The following PPP2R2B variants were observed in gnomAD, a reference collection of about 807,000 sequenced individuals.
The protein encoded by PPP2R2B is protein phosphatase 2 regulatory subunit Bbeta, also known as serine/threonine-protein phosphatase 2A 55 kDa regulatory subunit B beta isoform.
Under a neutral mutation model 46.0 loss-of-function variants are expected in PPP2R2B, and 5 were observed. The observed-to-expected ratio is 0.11, with a 90% CI of 0.06 to 0.23. The LOEUF is 0.23. Among genes scored for constraint, PPP2R2B ranks in the 10% least tolerant of loss-of-function variants. The pLI is 1.00. For missense variants in PPP2R2B, 367 were observed against 575.0 expected (o/e 0.64, Z 3.70); for synonymous variants, 215 against 206.7 (o/e 1.04, Z -0.34).
intron 2 of PPP2R2B, among the ~76,000 whole-genome samples, chr5:147,071,262 C>T (rs1342718910): frequency 3.9e-5 from 6 of 152,140 alleles, no homozygotes. Context: ...AATTTATCAG[C>T]TCTGGGGGCT....
chr5:147,041,322 G>A (rs1437448922), intron 1 of PPP2R2B, among the ~76,000 whole-genome samples: 1 of 152,168 alleles, frequency 6.6e-6, no homozygotes, highest in Non-Finnish European at 1.5e-5. Context: ...CTGTTCACAG[G>A]CAAGGGAGAA....
chr5:147,078,233 T>C (rs938805137), intron 2 of PPP2R2B, among the ~76,000 whole-genome samples: 5 of 152,226 alleles, frequency 3.3e-5, no homozygotes, highest in Non-Finnish European at 7.3e-5. Context: ...TATCGAGTAC[T>C]TACAAAGTAT....
intron 6 of PPP2R2B, among the ~76,000 whole-genome samples, chr5:146,649,144 T>C (rs1353302386): frequency 6.6e-6 from 1 of 152,148 alleles, no homozygotes; most frequent in Non-Finnish European, 1.5e-5. Context: ...TAGGGATATA[T>C]GCGTTGATTT....
intron 1 of PPP2R2B, among the ~76,000 whole-genome samples, chr5:146,899,494 G>C (rs1339494412): frequency 6.7e-6 from 1 of 149,836 alleles, no homozygotes; most frequent in Non-Finnish European, 1.5e-5. Context: ...GGAGGGGTGA[G>C]GGATAGCTTT....
chr5:146,697,224 C>G (rs1779226100), intron 4 of PPP2R2B, among the ~76,000 whole-genome samples: 1 of 152,136 alleles, frequency 6.6e-6, no homozygotes, highest in African/African-American at 2.4e-5. Context: ...AATTGTTATG[C>G]TATTCAATTA....
At chr5:147,033,978 G>A (rs1232277339) in intron 1 of PPP2R2B, among the ~76,000 whole-genome samples, 1 of 151,994 alleles carries the variant, frequency 6.6e-6, no homozygotes, top group Non-Finnish European at 1.5e-5. Context: ...AACTGCAAAG[G>A]TTTCCTATTA....
intron 2 of PPP2R2B, among the ~76,000 whole-genome samples, chr5:146,731,827 G>T (rs1327281059): frequency 6.6e-6 from 1 of 152,136 alleles, no homozygotes; most frequent in African/African-American, 2.4e-5. Context: ...TGGACAGAGT[G>T]GGTATGTCCA....
intron 1 of PPP2R2B, among the ~76,000 whole-genome samples, chr5:146,958,793 T>C (rs1037503076): frequency 2.0e-5 from 3 of 152,240 alleles, no homozygotes; most frequent in African/African-American, 7.2e-5. Context: ...ATCATTACTA[T>C]CTTCCGAGTG....
At chr5:147,078,154 A>G (rs983261198) in intron 2 of PPP2R2B, among the ~76,000 whole-genome samples, 2 of 152,230 alleles carry the variant, frequency 1.3e-5, no homozygotes, top group Non-Finnish European at 2.9e-5. Flanking sequence ...CTTACCTGTC[A>G]TAAGGTTTTG....
chr5:146,843,148 T>C (rs1366286772), intron 2 of PPP2R2B, among the ~76,000 whole-genome samples: 1 of 152,206 alleles, frequency 6.6e-6, no homozygotes, highest in East Asian at 1.9e-4. Flanking sequence ...GATCGTGCCA[T>C]TGCACTCCAG....
At position 146,589,842 on chromosome 5, in the gene PPP2R2B, T is replaced by C. The variant is rs1456437041; in HGVS notation, c.*105A>G. 1 of 1,125,546 alleles carries C rather than the reference T, an allele frequency of 8.9e-7. No individual in the cohort carries two copies. The highest frequency in any genetic ancestry group is 1.3e-6 in the Non-Finnish European group (1 of 778,338). The allele number at this position is 1,125,546 out of a possible 1,614,324, so 69.7% of individuals were successfully genotyped here. A position where few individuals can be genotyped will look rare whatever the true frequency, so the allele number is the denominator to read the frequency against. On this transcript the variant is annotated 3_prime_UTR_variant, in exon 10 of 10. Coordinates refer to ENST00000394411, the MANE Select transcript of PPP2R2B (RefSeq NM_181675.4). ...AATTCTATTCCAATCATTTCCTGTA[T>C]AGGGAAATTAAAGTCAATGCATCAA...
chr5:146,849,646 C>A (rs991573714), intron 2 of PPP2R2B, among the ~76,000 whole-genome samples: 2 of 152,064 alleles, frequency 1.3e-5, no homozygotes, highest in African/African-American at 2.4e-5. Flanking sequence ...GGTGCACTAA[C>A]AAAGGTCTGA....
intron 5 of PPP2R2B, among the ~76,000 whole-genome samples, chr5:146,680,749 C>T (rs1778114880): frequency 6.6e-6 from 1 of 152,158 alleles, no homozygotes. Flanking sequence ...AAAATAAACT[C>T]ATCTGATCAC....
intron 6 of PPP2R2B, among the ~76,000 whole-genome samples, chr5:146,641,772 G>A (rs1775239932): frequency 6.6e-6 from 1 of 152,152 alleles, no homozygotes; most frequent in African/African-American, 2.4e-5. Flanking sequence ...CATGTTGGGA[G>A]GGAAGGAGAA....
intron 1 of PPP2R2B, among the ~76,000 whole-genome samples, chr5:147,007,816 C>A (rs892704807): frequency 6.6e-6 from 1 of 152,130 alleles, no homozygotes; most frequent in South Asian, 2.1e-4. Flanking sequence ...GACCATGAAC[C>A]CACAACTGGA....
At chr5:146,950,332 C>T (rs375901411) in intron 1 of PPP2R2B, among the ~76,000 whole-genome samples, 1 of 151,920 alleles carries the variant, frequency 6.6e-6, no homozygotes, top group Non-Finnish European at 1.5e-5. Flanking sequence ...GTACTGTTAG[C>T]TTTTTAAAGC....
At chr5:146,597,021 G>A (rs1329031504) in intron 8 of PPP2R2B, among the ~76,000 whole-genome samples, 1 of 152,188 alleles carries the variant, frequency 6.6e-6, no homozygotes, top group Non-Finnish European at 1.5e-5. Flanking sequence ...ACATGCCAGT[G>A]TTGGGTAGCT....
At chr5:146,834,962 T>C (rs1759190593) in intron 2 of PPP2R2B, among the ~76,000 whole-genome samples, 1 of 152,148 alleles carries the variant, frequency 6.6e-6, no homozygotes, top group African/African-American at 2.4e-5. Flanking sequence ...ATTTCATTCT[T>C]TTTTTATGGC....
intron 1 of PPP2R2B, among the ~76,000 whole-genome samples, chr5:146,907,040 A>C (rs1197973886): frequency 6.6e-6 from 1 of 152,182 alleles, no homozygotes; most frequent in Non-Finnish European, 1.5e-5. Flanking sequence ...GAAAGGCAAG[A>C]GGCTCCTTGG....
Sources: allele counts gnomAD v4.1 joint callset (sites outside exome capture counted in the v4.1 genomes callset), GRCh38; gene constraint gnomAD v4.1.1; transcripts MANE v1.5; gene names NCBI Gene and HGNC (gene_info 2026-07-23, HGNC 2026-07-21).